The following ATP2B2 variants were observed in gnomAD, a reference collection of about 807,000 sequenced individuals.
The protein encoded by ATP2B2 is plasma membrane calcium-transporting ATPase 2.
Under a neutral mutation model 120.0 loss-of-function variants are expected in ATP2B2, and 15 were observed. That is an observed-to-expected ratio of 0.12 (90% CI 0.08 to 0.19). ATP2B2 has a LOEUF of 0.19. Among genes scored for constraint, ATP2B2 ranks in the 10% least tolerant of loss-of-function variants. The pLI, the probability that ATP2B2 is intolerant of heterozygous loss-of-function variation, is 1.00. For missense variants in ATP2B2, 1,045 were observed against 1,719.8 expected (o/e 0.61, Z 6.94); for synonymous variants, 694 against 700.3 (o/e 0.99, Z 0.14).
intron 2 of ATP2B2, among the ~76,000 whole-genome samples, chr3:10,549,647 C>T (rs1291586940): frequency 6.6e-6 from 1 of 152,108 alleles, no homozygotes; most frequent in Admixed American, 6.5e-5. Flanking sequence ...TTATTCCTTT[C>T]TCTCTCCTTC....
chr3:10,685,863 C>A (rs1322061933), intron 1 of ATP2B2, among the ~76,000 whole-genome samples: 1 of 152,142 alleles, frequency 6.6e-6, no homozygotes, highest in East Asian at 1.9e-4. Flanking sequence ...AGAAGGCTTC[C>A]CATTTCTAAA....
chr3:10,375,417 C>T lies in ATP2B2; in HGVS notation c.1416+13G>A, dbSNP rs1328625046. 1 of 1,606,732 alleles carries T rather than the reference C, an allele frequency of 6.2e-7. No homozygotes were observed. The highest frequency in any genetic ancestry group is 8.5e-7 in the Non-Finnish European group (1 of 1,176,336). ...TGCATCAGCCGGCTGGTCCTGCTCTCCTCCCCTCTCACCTTCACCGAATAG... is the reference window on the plus strand; with the variant it reads ...TGCATCAGCCGGCTGGTCCTGCTCTTCTCCCCTCTCACCTTCACCGAATAG... On this transcript the variant is annotated intron_variant, in intron 11 of 22. Coordinates refer to ENST00000360273, the MANE Select transcript of ATP2B2 (RefSeq NM_001001331.4). The surrounding 1 kb of genome is among the most constrained non-coding windows in gnomAD (Gnocchi z 4.2).
intron 1 of ATP2B2, among the ~76,000 whole-genome samples, chr3:10,678,666 A>G (rs2082667): frequency 0.067 from 10,128 of 152,240 alleles, 383 homozygotes; most frequent in South Asian, 0.2. Context: ...TCAGACTTGA[A>G]TTGGGATCCC....
intron 1 of ATP2B2, among the ~76,000 whole-genome samples, chr3:10,665,534 T>C (rs2070907289): frequency 6.6e-6 from 1 of 152,134 alleles, no homozygotes; most frequent in Non-Finnish European, 1.5e-5. Context: ...GAGACCCTTA[T>C]CTGGTTTTGC....
chr3:10,680,463 G>T (rs2071357235), intron 1 of ATP2B2, among the ~76,000 whole-genome samples: 1 of 152,156 alleles, frequency 6.6e-6, no homozygotes, highest in African/African-American at 2.4e-5. Flanking sequence ...GCCAGACTTT[G>T]CTGGGATGTG....
At chr3:10,590,446 A>G (rs2068616369) in intron 2 of ATP2B2, among the ~76,000 whole-genome samples, 1 of 152,232 alleles carries the variant, frequency 6.6e-6, no homozygotes, top group Non-Finnish European at 1.5e-5. Flanking sequence ...AAATAGAACA[A>G]AAGCCTTCTA....
At chr3:10,556,449 G>A (rs1396889483) in intron 2 of ATP2B2, among the ~76,000 whole-genome samples, 1 of 152,212 alleles carries the variant, frequency 6.6e-6, no homozygotes, top group East Asian at 1.9e-4. Context: ...GTCAGGAGAG[G>A]ATTGCCGTTG....
intron 3 of ATP2B2, among the ~76,000 whole-genome samples, chr3:10,529,391 C>T (rs187332520): frequency 6.6e-6 from 1 of 152,324 alleles, no homozygotes; most frequent in Admixed American, 6.5e-5. Context: ...CCCGTGTCTC[C>T]AGAGTCTAGC....
chr3:10,370,143 G>A (rs1473183), intron 12 of ATP2B2, among the ~76,000 whole-genome samples: 112,098 of 152,214 alleles, frequency 0.74, 43,022 homozygotes, highest in East Asian at 1. Context: ...CTTTGCCTCC[G>A]GTGCTAAAAA....
At chr3:10,521,341 T>C (rs1009566398) in intron 3 of ATP2B2, among the ~76,000 whole-genome samples, 1 of 152,238 alleles carries the variant, frequency 6.6e-6, no homozygotes, top group Non-Finnish European at 1.5e-5. Flanking sequence ...GTGAAGAGTT[T>C]GCAGGCTATC....
intron 2 of ATP2B2, among the ~76,000 whole-genome samples, chr3:10,567,943 T>C (rs1041155279): frequency 6.6e-6 from 1 of 152,164 alleles, no homozygotes; most frequent in Non-Finnish European, 1.5e-5. Flanking sequence ...TGTGTGAAGG[T>C]GGCAGCATTG....
chr3:10,364,385 T>A (rs886079377), intron 12 of ATP2B2, among the ~76,000 whole-genome samples: 2 of 152,208 alleles, frequency 1.3e-5, no homozygotes. Context: ...ATATATTTTA[T>A]GCAAATTTTT....
chr3:10,362,245 C>T (rs2060921585), intron 12 of ATP2B2, among the ~76,000 whole-genome samples: 1 of 152,212 alleles, frequency 6.6e-6, no homozygotes, highest in African/African-American at 2.4e-5. Flanking sequence ...AAAGAGCAGC[C>T]CAGACAGGAA....
intron 1 of ATP2B2, among the ~76,000 whole-genome samples, chr3:10,457,682 C>T (rs2064321069): frequency 6.6e-6 from 1 of 152,036 alleles, no homozygotes; most frequent in Admixed American, 6.5e-5. Flanking sequence ...AAGACAATCT[C>T]ACAAACTCTC....
chr3:10,428,627 C>T (rs2063215777), intron 2 of ATP2B2, among the ~76,000 whole-genome samples: 2 of 152,212 alleles, frequency 1.3e-5, no homozygotes, highest in South Asian at 4.1e-4. Flanking sequence ...ACAATGTTCC[C>T]ATTGAGCCCT....
At chr3:10,484,019 C>T (rs1239464997) in intron 1 of ATP2B2, among the ~76,000 whole-genome samples, 1 of 152,230 alleles carries the variant, frequency 6.6e-6, no homozygotes, top group Non-Finnish European at 1.5e-5. Flanking sequence ...CTCCATTTCT[C>T]TGCCACCTGC....
intron 2 of ATP2B2, among the ~76,000 whole-genome samples, chr3:10,617,841 G>T (rs2069437732): frequency 6.6e-6 from 1 of 151,608 alleles, no homozygotes; most frequent in Non-Finnish European, 1.5e-5. Flanking sequence ...TGCCCCAAGG[G>T]AGCACGAGCT....
intron 8 of ATP2B2, among the ~76,000 whole-genome samples, chr3:10,381,130 C>T (rs1000099161): frequency 6.6e-6 from 1 of 152,222 alleles, no homozygotes; most frequent in Admixed American, 6.5e-5. Context: ...CCCCGAACCT[C>T]GCCCAGCACT....
intron 2 of ATP2B2, among the ~76,000 whole-genome samples, chr3:10,576,440 G>T (rs897304387): frequency 6.6e-6 from 1 of 152,084 alleles, no homozygotes; most frequent in South Asian, 2.1e-4. Flanking sequence ...GAGTGCAGTG[G>T]TATCATCATG....
Sources: gnomAD v4.1 joint callset for allele counts (sites outside exome capture counted in the v4.1 genomes callset) on GRCh38, gnomAD v4.1.1 for gene constraint, Gnocchi (gnomAD v3.1) non-coding constraint, MANE v1.5 for transcripts, NCBI Gene and HGNC (gene_info 2026-07-23, HGNC 2026-07-21) for gene names.